Variants in CDC14A observed in about 807,000 individuals in gnomAD.
The protein encoded by CDC14A is dual specificity protein phosphatase CDC14A.
A neutral mutation model predicts 74.4 loss-of-function variants in CDC14A; 53 were observed. The ratio of observed to expected loss-of-function variants is 0.71; its 90% CI spans 0.57 to 0.89. The LOEUF is 0.89. CDC14A is among the 40% of genes least tolerant of loss of function. The pLI, the probability that CDC14A is intolerant of heterozygous loss-of-function variation, is 0.00. For missense variants in CDC14A, 646 were observed against 713.7 expected, an observed-to-expected ratio of 0.91 and a Z score of 1.08; for synonymous variants, 247 against 258.4, an observed-to-expected ratio of 0.96 and a Z score of 0.43.
intron 10 of CDC14A, among the ~76,000 whole-genome samples, chr1:100,482,999 A>T (rs1379015424): frequency 6.6e-6 from 1 of 152,076 alleles, no homozygotes; most frequent in Non-Finnish European, 1.5e-5. Context: ...ATCATTGATG[A>T]CATTTAGGTT....
intron 4 of CDC14A, among the ~76,000 whole-genome samples, chr1:100,396,919 G>T (rs963870216): frequency 6.6e-6 from 1 of 152,106 alleles, no homozygotes; most frequent in Non-Finnish European, 1.5e-5. Context: ...CTCTCATAGA[G>T]CTGTCATAAG....
intron 4 of CDC14A, among the ~76,000 whole-genome samples, chr1:100,405,793 G>A (rs1204852548): frequency 2.0e-5 from 3 of 152,146 alleles, no homozygotes; most frequent in East Asian, 3.8e-4. Flanking sequence ...TGGGCATTTA[G>A]GTTGATTCCA....
rs1363182551 is a variant in CDC14A at position 100,412,706 on chromosome 1, A to ATATATATATATATATTT, written c.310-11501_310-11500insTTTATATATATATATAT. ...AACTTCCTGTATGTTTTATATATAT[A>ATATATATATATATATTT]TATATATATATATATATTTTATATA... On this transcript the variant is annotated intron_variant, in intron 4 of 15. Coordinates refer to ENST00000336454, the MANE Select transcript of CDC14A (RefSeq NM_003672.4). 1.8e-3 allele frequency among the ~76,000 whole-genome samples: 184 copies of ATATATATATATATATTT among 101,260 alleles called. 5 individuals carry two copies. The East Asian group carries it at 0.029, about 16-fold the overall frequency. 66.4% of individuals were successfully genotyped at this position (101,260 alleles called of 152,430 possible).
intron 10 of CDC14A, among the ~76,000 whole-genome samples, chr1:100,473,064 A>G (rs1044120557): frequency 1.4e-5 from 2 of 138,580 alleles, no homozygotes; most frequent in African/African-American, 3.5e-5. Flanking sequence ...TCCTTTTCAT[A>G]TACATTTTAG....
At chr1:100,509,864 A>C (rs892910821) in intron 15 of CDC14A, among the ~76,000 whole-genome samples, 4 of 152,238 alleles carry the variant, frequency 2.6e-5, no homozygotes, top group African/African-American at 9.6e-5. Context: ...TCTGTTATGA[A>C]AAAGCAGTAG....
chr1:100,502,848 T>G (rs1047453078), intron 15 of CDC14A, among the ~76,000 whole-genome samples: 2 of 152,236 alleles, frequency 1.3e-5, no homozygotes, highest in African/African-American at 4.8e-5. Context: ...CTGGCTAGAA[T>G]AGAGTGATTT....
intron 12 of CDC14A, among the ~76,000 whole-genome samples, chr1:100,495,651 A>C (rs371169453): frequency 6.6e-6 from 1 of 152,264 alleles, no homozygotes; most frequent in African/African-American, 2.4e-5. Context: ...TACACATAGC[A>C]GAAGGATGTT....
At chr1:100,512,069 C>A (rs2101478777) in intron 15 of CDC14A, among the ~76,000 whole-genome samples, 1 of 152,118 alleles carries the variant, frequency 6.6e-6, no homozygotes, top group East Asian at 1.9e-4. Context: ...CTCTGCTTTC[C>A]CTTGTTTCTC....
intron 1 of CDC14A, among the ~76,000 whole-genome samples, chr1:100,347,381 CTT>C (rs1650514646): frequency 6.6e-6 from 1 of 152,192 alleles, no homozygotes; most frequent in South Asian, 2.1e-4. Flanking sequence ...TGCTAAATCC[CTT>C]GAGTTTGATG....
At chr1:100,502,996 C>T (rs1648917888) in intron 15 of CDC14A, among the ~76,000 whole-genome samples, 1 of 152,192 alleles carries the variant, frequency 6.6e-6, no homozygotes, top group Admixed American at 6.5e-5. Flanking sequence ...TCCTCCCTCT[C>T]ACCCTCCCTG....
Position 100,442,916 on chromosome 1 carries a change from T to C in CDC14A, c.457-18T>C. On this transcript the variant is annotated intron_variant, in intron 6 of 15. Transcript: ENST00000336454. ...TATCAATTTAGCATGGAAAAACTAATTCAAATTCTGCTTTTAGGGATTACA... is the reference window on the plus strand; with the variant it reads ...TATCAATTTAGCATGGAAAAACTAACTCAAATTCTGCTTTTAGGGATTACA... 1 of 1,558,306 alleles carries C rather than the reference T, an allele frequency of 6.4e-7. No individual in the cohort carries two copies. Among genetic ancestry groups the C allele is most frequent in the South Asian group, 1.1e-5 (1 of 89,570 alleles).
At chr1:100,379,302 T>C (rs1027289553) in intron 3 of CDC14A, among the ~76,000 whole-genome samples, 3 of 152,266 alleles carry the variant, frequency 2.0e-5, no homozygotes, top group African/African-American at 7.2e-5. Context: ...TCATTTATAA[T>C]GCTGTGTTTC....
At chr1:100,402,891 G>A (rs1659454032) in intron 4 of CDC14A, among the ~76,000 whole-genome samples, 1 of 152,226 alleles carries the variant, frequency 6.6e-6, no homozygotes, top group African/African-American at 2.4e-5. Flanking sequence ...GTGTTGTAGT[G>A]TTTCAAATAC....
chr1:100,356,872 A>T (rs1037564270), intron 2 of CDC14A, among the ~76,000 whole-genome samples: 1 of 151,578 alleles, frequency 6.6e-6, no homozygotes, highest in African/African-American at 2.4e-5. Context: ...AAAAAAAAAA[A>T]AAAAAAAAAA....
chr1:100,381,266 C>A (rs552643708), intron 3 of CDC14A, among the ~76,000 whole-genome samples: 61 of 152,264 alleles, frequency 4.0e-4, no homozygotes, highest in Non-Finnish European at 8.1e-4. Flanking sequence ...GATTTCTTAA[C>A]CCTTTGTTAT....
At chr1:100,352,464 G>GGAA (rs1353340681), upstream of CDC14A, 4 of 1,012,580 alleles carry the variant, frequency 4.0e-6, no homozygotes, top group African/African-American at 7.0e-5. Context: ...AGGAGGAGGA[G>GGAA]GAAGAGTAAC....
intron 8 of CDC14A, among the ~76,000 whole-genome samples, chr1:100,458,454 A>G (rs946809384): frequency 6.6e-6 from 1 of 152,240 alleles, no homozygotes; most frequent in Non-Finnish European, 1.5e-5. Context: ...ATCTGAAAGT[A>G]CATTTATCTC....
chr1:100,389,384 G>T (rs1054377820), intron 3 of CDC14A, among the ~76,000 whole-genome samples: 1 of 150,224 alleles, frequency 6.7e-6, no homozygotes, highest in Non-Finnish European at 1.5e-5. Flanking sequence ...CCTGGGAGGC[G>T]GAGGTTGCAG....
chr1:100,463,488 G>C (rs1667508884), intron 9 of CDC14A, among the ~76,000 whole-genome samples: 3 of 152,130 alleles, frequency 2.0e-5, no homozygotes, highest in Admixed American at 1.3e-4. Flanking sequence ...TCTGATCTCT[G>C]GGGGTGGATA....
Sources: gnomAD v4.1 joint callset for allele counts (sites outside exome capture counted in the v4.1 genomes callset) on GRCh38, gnomAD v4.1.1 for gene constraint, MANE v1.5 for transcripts, NCBI Gene and HGNC (gene_info 2026-07-23, HGNC 2026-07-21) for gene names.